The following KSR2 variants were observed in gnomAD, a reference collection of about 807,000 sequenced individuals.
KSR2 encodes kinase suppressor of ras 2.
Under a neutral mutation model 107.8 loss-of-function variants are expected in KSR2, and 25 were observed. The ratio of observed to expected loss-of-function variants is 0.23; its 90% CI spans 0.17 to 0.32. KSR2 has a LOEUF of 0.32. Among genes scored for constraint, KSR2 ranks in the 10% least tolerant of loss-of-function variants. The pLI, the probability that KSR2 is intolerant of heterozygous loss-of-function variation, is 1.00. For missense variants in KSR2, 887 were observed against 1,268.9 expected, an observed-to-expected ratio of 0.70 and a Z score of 4.57; for synonymous variants, 480 against 507.0, an observed-to-expected ratio of 0.95 and a Z score of 0.71.
chr12:117,869,432 C>T (rs2137278404), intron 1 of KSR2, among the ~76,000 whole-genome samples: 1 of 152,300 alleles, frequency 6.6e-6, no homozygotes, highest in African/African-American at 2.4e-5. Context: ...CCTTTGACCG[C>T]TCCCACGAAT....
intron 3 of KSR2, among the ~76,000 whole-genome samples, chr12:117,773,112 C>T (rs1241885805): frequency 6.6e-6 from 1 of 152,174 alleles, no homozygotes; most frequent in Non-Finnish European, 1.5e-5. Context: ...ATCAACTCTT[C>T]CCTCTCTCTT....
intron 12 of KSR2, among the ~76,000 whole-genome samples, chr12:117,529,663 T>C (rs530504241): frequency 1.3e-5 from 2 of 152,088 alleles, no homozygotes; most frequent in African/African-American, 4.8e-5. Flanking sequence ...AATAGGAAAA[T>C]GGTTAAGAAA....
intron 5 of KSR2, among the ~76,000 whole-genome samples, chr12:117,612,844 T>C (rs1881677041): frequency 1.3e-5 from 2 of 152,178 alleles, no homozygotes; most frequent in East Asian, 1.9e-4. Context: ...GTTCTGGTGA[T>C]AGTGAGTGAG....
chr12:117,675,425 G>C (rs754255293), intron 4 of KSR2, among the ~76,000 whole-genome samples: 8 of 152,230 alleles, frequency 5.3e-5, no homozygotes, highest in Non-Finnish European at 1.0e-4. Flanking sequence ...TAATTCCCAA[G>C]TAAGGGCTCT....
chr12:117,485,385 T>C (rs1872406091), intron 15 of KSR2, among the ~76,000 whole-genome samples: 1 of 152,088 alleles, frequency 6.6e-6, no homozygotes, highest in South Asian at 2.1e-4. Context: ...AAACCAAACA[T>C]TGGTGGATAG....
At chr12:117,763,040 C>T (rs1396133426) in intron 3 of KSR2, among the ~76,000 whole-genome samples, 8 of 152,010 alleles carry the variant, frequency 5.3e-5, no homozygotes, top group Non-Finnish European at 1.0e-4. Flanking sequence ...TCCCTCCCCT[C>T]TCCCCCGACC....
At chr12:117,843,366 G>A (rs1452493479) in intron 3 of KSR2, among the ~76,000 whole-genome samples, 1 of 152,134 alleles carries the variant, frequency 6.6e-6, no homozygotes, top group African/African-American at 2.4e-5. Context: ...GCTACAAGGG[G>A]CCTCAGGAAC....
At chr12:117,957,193 A>G (rs1896541473) in intron 1 of KSR2, among the ~76,000 whole-genome samples, 1 of 152,070 alleles carries the variant, frequency 6.6e-6, no homozygotes, top group Non-Finnish European at 1.5e-5. Flanking sequence ...GGGAGTCCAC[A>G]GGAGAGCAGT....
intron 5 of KSR2, among the ~76,000 whole-genome samples, chr12:117,640,352 G>A: frequency 6.6e-6 from 1 of 152,010 alleles, no homozygotes; most frequent in East Asian, 1.9e-4. Flanking sequence ...CCAAGTTCAA[G>A]TGACTCTCCC....
intron 1 of KSR2, among the ~76,000 whole-genome samples, chr12:117,953,620 A>C (rs1211393210): frequency 6.6e-6 from 1 of 152,246 alleles, no homozygotes; most frequent in Admixed American, 6.5e-5. Context: ...TCATAGAGAA[A>C]GTAGGATGAC....
At chr12:117,801,982 A>G (rs149436184) in intron 3 of KSR2, among the ~76,000 whole-genome samples, 1 of 152,310 alleles carries the variant, frequency 6.6e-6, no homozygotes. Flanking sequence ...CGTGGGATAC[A>G]TTTGCAAAAA....
intron 6 of KSR2, among the ~76,000 whole-genome samples, 196 bp from the exon 7 acceptor site, chr12:117,579,398 G>T (rs913867730): frequency 1.3e-5 from 2 of 152,178 alleles, no homozygotes; most frequent in African/African-American, 4.8e-5. Flanking sequence ...GATAATAACA[G>T]TATTGACCTC....
intron 5 of KSR2, among the ~76,000 whole-genome samples, chr12:117,661,267 GAA>G (rs71099069): frequency 6.7e-6 from 1 of 149,696 alleles, no homozygotes; most frequent in Admixed American, 6.7e-5. Context: ...TCCTGTACCA[GAA>G]AAAAAAAAAT....
chr12:117,727,252 G>A (rs568884788), intron 4 of KSR2, among the ~76,000 whole-genome samples: 2 of 151,688 alleles, frequency 1.3e-5, no homozygotes, highest in African/African-American at 4.8e-5. Flanking sequence ...GCGGGCACCT[G>A]TAGTCCCAGA....
intron 19 of KSR2, 83 bp downstream of exon 19, chr12:117,469,579 A>G: frequency 6.6e-7 from 1 of 1,507,530 alleles, no homozygotes; most frequent in Non-Finnish European, 9.0e-7. Context: ...GGGGAGGAGT[A>G]AAAAAGATGC....
intron 5 of KSR2, among the ~76,000 whole-genome samples, chr12:117,609,992 T>C (rs1881505197): frequency 6.6e-6 from 1 of 152,156 alleles, no homozygotes; most frequent in African/African-American, 2.4e-5. Flanking sequence ...AACTTCCTTT[T>C]TGCACAAAAG....
At chr12:117,718,179 T>G (rs1010216107) in intron 4 of KSR2, among the ~76,000 whole-genome samples, 2 of 152,230 alleles carry the variant, frequency 1.3e-5, no homozygotes, top group African/African-American at 2.4e-5. Flanking sequence ...AGTAACTTCA[T>G]CTGGATTAAC....
chr12:117,732,315 A>G (rs1330473334), intron 4 of KSR2, among the ~76,000 whole-genome samples: 1 of 150,858 alleles, frequency 6.6e-6, no homozygotes, highest in East Asian at 1.9e-4. Flanking sequence ...TTGAGTCAGC[A>G]TCTTGCTCTG....
intron 5 of KSR2, among the ~76,000 whole-genome samples, chr12:117,633,483 A>G (rs1184568918): frequency 6.6e-6 from 1 of 152,206 alleles, no homozygotes; most frequent in Non-Finnish European, 1.5e-5. Context: ...AAAACAACAG[A>G]TATTTATTCT....
Sources: gnomAD v4.1 joint callset for allele counts (sites outside exome capture counted in the v4.1 genomes callset) on GRCh38, gnomAD v4.1.1 for gene constraint, MANE v1.5 for transcripts, NCBI Gene and HGNC (gene_info 2026-07-23, HGNC 2026-07-21) for gene names.